LUC7L3: variants seen among roughly 807,000 people sequenced by gnomAD.
LUC7L3 encodes the protein LUC7 like 3 pre-mRNA splicing factor.
A neutral mutation model predicts 66.8 loss-of-function variants in LUC7L3; 6 were observed. The observed-to-expected ratio is 0.09, with a 90% CI of 0.05 to 0.18. LUC7L3 has a LOEUF of 0.18. Ranked by LOEUF, LUC7L3 falls within the 10% of genes least tolerant of loss-of-function variation. The pLI, the probability that LUC7L3 is intolerant of heterozygous loss-of-function variation, is 1.00. For synonymous variants in LUC7L3, 160 were observed against 174.7 expected (o/e 0.92, Z 0.66); for missense variants, 341 against 531.1 (o/e 0.64, Z 3.52).
In LUC7L3 at chr17:50,741,010, G is replaced by GATTT. The variant is rs1412145439; in HGVS notation, c.207-92_207-91insATTT. 5 of 1,250,208 alleles carry GATTT rather than the reference G, an allele frequency of 4.0e-6. No homozygotes were observed. In the African/African-American group the frequency reaches 5.9e-5, roughly 15 times the overall value. 77.4% of individuals were successfully genotyped at this position (1,250,208 alleles called of 1,614,324 possible). ...ACCTGGTTTACCCTGCAGCCTAAAT[G>GATTT]GAATAGTCGTTGAGGCTAGTTAAGA... On this transcript the variant is annotated intron_variant, in intron 3 of 9. Transcript: ENST00000505658.
intron 3 of LUC7L3, 88 bp downstream of exon 3, chr17:50,740,433 T>TTTAATTGCAAA: frequency 8.0e-7 from 1 of 1,256,678 alleles, no homozygotes; most frequent in Non-Finnish European, 1.1e-6. Flanking sequence ...CAATTAAATG[T>TTTAATTGCAAA]AAAATGAGTG....
At chr17:50,734,529 A>G (rs1969852623) in intron 1 of LUC7L3, among the ~76,000 whole-genome samples, 3 of 152,188 alleles carry the variant, frequency 2.0e-5, no homozygotes, top group African/African-American at 4.8e-5. Flanking sequence ...GGCCTGGAGT[A>G]CAGTGGCTGT....
chr17:50,740,556 G>A (rs984460224), intron 3 of LUC7L3, among the ~76,000 whole-genome samples: 3 of 151,606 alleles, frequency 2.0e-5, no homozygotes, highest in African/African-American at 7.3e-5. Flanking sequence ...TTTTTTTTCT[G>A]TAGCCCATTT....
chr17:50,727,725 A>T (rs1483323142), intron 1 of LUC7L3, among the ~76,000 whole-genome samples: 1 of 152,186 alleles, frequency 6.6e-6, no homozygotes, highest in Non-Finnish European at 1.5e-5. Context: ...AAAATCGGTG[A>T]ATTTGGCAAA....
chr17:50,748,190 T>C (rs1176720255), intron 9 of LUC7L3, among the ~76,000 whole-genome samples: 1 of 152,178 alleles, frequency 6.6e-6, no homozygotes, highest in Non-Finnish European at 1.5e-5. Context: ...AAGTCAAAGT[T>C]GAGTAGTAAA....
intron 5 of LUC7L3, among the ~76,000 whole-genome samples, chr17:50,742,488 A>G (rs1256758285): frequency 1.3e-5 from 2 of 152,034 alleles, no homozygotes; most frequent in Non-Finnish European, 2.9e-5. Flanking sequence ...CCTCCCGAGT[A>G]GCTGGGATTA....
intron 1 of LUC7L3, among the ~76,000 whole-genome samples, chr17:50,720,443 G>C (rs1968670047): frequency 6.6e-6 from 1 of 152,196 alleles, no homozygotes; most frequent in South Asian, 2.1e-4. Flanking sequence ...CTTAGCCCGG[G>C]GAGTAAAGGT....
chr17:50,736,162 C>T (rs1279698347), intron 1 of LUC7L3, among the ~76,000 whole-genome samples: 1 of 152,088 alleles, frequency 6.6e-6, no homozygotes, highest in Non-Finnish European at 1.5e-5. Context: ...AATAATCCAC[C>T]TAGTAACAGT....
At chr17:50,737,448 C>A in intron 2 of LUC7L3, 1 of 393,694 alleles carries the variant, frequency 2.5e-6, no homozygotes, top group Admixed American at 3.3e-5. Flanking sequence ...ATCAGCAGAA[C>A]CCTGGACAGG....
At chr17:50,729,323 C>T (rs1275773113) in intron 1 of LUC7L3, among the ~76,000 whole-genome samples, 2 of 152,160 alleles carry the variant, frequency 1.3e-5, no homozygotes, top group Non-Finnish European at 2.9e-5. Context: ...TCAGTTCCAA[C>T]ACAATAATAA....
intron 9 of LUC7L3, among the ~76,000 whole-genome samples, chr17:50,748,858 C>G (rs1205676950): frequency 6.7e-6 from 1 of 149,036 alleles, no homozygotes; most frequent in Non-Finnish European, 1.5e-5. Flanking sequence ...TAATTAAAAT[C>G]AGTGTGCAGA....
Position 50,754,463 on chromosome 17 carries a change from A to G in LUC7L3, c.*3802A>G, listed in dbSNP as rs1421173269. On this transcript the variant is annotated 3_prime_UTR_variant, in exon 10 of 10. Coordinates refer to ENST00000505658, the MANE Select transcript of LUC7L3 (RefSeq NM_016424.5). ...TCTCTAAAAGACAAAGACCTCTTAA[A>G]TAACAGTTCATTAGTATAAAACAAA... 6.6e-6 allele frequency: 1 copy of G among 152,204 alleles called. No individual in the cohort carries two copies. The highest frequency in any genetic ancestry group is 1.5e-5 in the Non-Finnish European group (1 of 68,030). 9.4% of individuals were successfully genotyped at this position (152,204 alleles called of 1,614,324 possible).
intron 1 of LUC7L3, among the ~76,000 whole-genome samples, chr17:50,730,975 A>G (rs1392274571): frequency 6.6e-6 from 1 of 152,104 alleles, no homozygotes; most frequent in Non-Finnish European, 1.5e-5. Flanking sequence ...ATGAGATTGA[A>G]CACTTGTCAC....
At chr17:50,720,657 T>C (rs1968688403) in intron 1 of LUC7L3, among the ~76,000 whole-genome samples, 1 of 152,256 alleles carries the variant, frequency 6.6e-6, no homozygotes, top group African/African-American at 2.4e-5. Context: ...ATCTGGAGAA[T>C]AGATACAGAA....
chr17:50,751,198 C>T lies in LUC7L3; in HGVS notation c.*537C>T. The stretch of plus-strand genomic sequence containing the variant: ...GTTTTTTGCTTTATTGCCTTGCATT[C>T]TAATGCAGTTTGTTCTGTAACTCGA... On this transcript the variant is annotated 3_prime_UTR_variant, in exon 10 of 10. Transcript: ENST00000505658. The T allele has an allele frequency of 6.8e-7, 1 of 1,466,544 alleles. No individual in the cohort carries two copies. The highest frequency in any genetic ancestry group is 9.1e-7 in the Non-Finnish European group (1 of 1,104,220). 90.8% of individuals were successfully genotyped at this position (1,466,544 alleles called of 1,614,324 possible).
chr17:50,724,262 C>T (rs895685746), intron 1 of LUC7L3: 3 of 176,624 alleles, frequency 1.7e-5, no homozygotes, highest in Non-Finnish European at 3.6e-5. Flanking sequence ...GGTGGGTCAC[C>T]TGTAATCTCA....
chr17:50,736,433 A>T (rs1357085091), intron 1 of LUC7L3, among the ~76,000 whole-genome samples: 1 of 152,214 alleles, frequency 6.6e-6, no homozygotes, highest in African/African-American at 2.4e-5. Context: ...TCTTTCCAAA[A>T]TATTTTAAAA....
At chr17:50,725,268 G>GGT (rs1478071430) in intron 1 of LUC7L3, among the ~76,000 whole-genome samples, 1 of 152,144 alleles carries the variant, frequency 6.6e-6, no homozygotes, top group Non-Finnish European at 1.5e-5. Flanking sequence ...AAATTAGCCA[G>GGT]GTGTGGTGGC....
chr17:50,722,578 T>G (rs1000687696), intron 1 of LUC7L3: 2 of 152,210 alleles, frequency 1.3e-5, no homozygotes, highest in Non-Finnish European at 2.9e-5. Context: ...ATTGTGCATA[T>G]CTGCACAATT....
Sources: gnomAD v4.1 joint callset for allele counts (sites outside exome capture counted in the v4.1 genomes callset) on GRCh38, gnomAD v4.1.1 for gene constraint, MANE v1.5 for transcripts, NCBI Gene and HGNC (gene_info 2026-07-23, HGNC 2026-07-21) for gene names.